The following PAH variants were observed in gnomAD, a reference collection of about 807,000 sequenced individuals.
PAH encodes phenylalanine-4-hydroxylase.
Under a neutral mutation model 62.0 loss-of-function variants are expected in PAH, and 64 were observed. The observed-to-expected ratio is 1.03, with a 90% CI of 0.84 to 1.27. The LOEUF (loss-of-function observed/expected upper bound fraction) is 1.27, where lower values mean the gene tolerates loss of function less well. Ranked by LOEUF, PAH falls within the 50% of genes most tolerant of loss-of-function variation. The pLI, the probability that PAH is intolerant of heterozygous loss-of-function variation, is 0.00. For synonymous variants in PAH, 195 were observed against 196.2 expected, an observed-to-expected ratio of 0.99 and a Z score of 0.05; for missense variants, 579 against 542.8, an observed-to-expected ratio of 1.07 and a Z score of -0.66.
At chr12:102,948,585 C>T (rs1022920630) in intron 1 of PAH, among the ~76,000 whole-genome samples, 1 of 152,114 alleles carries the variant, frequency 6.6e-6, no homozygotes, top group South Asian at 2.1e-4. Flanking sequence ...ACTTACTGAG[C>T]CTCTCCTCCC....
At chr12:102,908,724 C>A (rs1456834606) in intron 2 of PAH, among the ~76,000 whole-genome samples, 2 of 151,958 alleles carry the variant, frequency 1.3e-5, no homozygotes, top group Non-Finnish European at 1.5e-5. Flanking sequence ...TATTGATGCA[C>A]GTTATAAACG....
intron 1 of PAH, among the ~76,000 whole-genome samples, chr12:102,938,137 G>C (rs1419104729): frequency 1.3e-5 from 2 of 152,216 alleles, no homozygotes; most frequent in African/African-American, 4.8e-5. Context: ...GTGAACCACA[G>C]AGAGCAGAGA....
chr12:102,903,556 A>G (rs751191628), intron 2 of PAH, among the ~76,000 whole-genome samples: 24 of 152,170 alleles, frequency 1.6e-4, no homozygotes, highest in Non-Finnish European at 3.2e-4. Context: ...TGAATATCTG[A>G]TGAGGGGGAG....
At chr12:102,860,333 G>A (rs554566556) in intron 5 of PAH, among the ~76,000 whole-genome samples, 45 of 152,316 alleles carry the variant, frequency 3.0e-4, no homozygotes, top group Non-Finnish European at 5.0e-4. Flanking sequence ...AGAAATAAAA[G>A]AGAACACAGA....
chr12:102,871,922 CAAAAAAAAAAAAAA>C (rs1168829038), intron 4 of PAH, among the ~76,000 whole-genome samples: 18 of 115,478 alleles, frequency 1.6e-4, no homozygotes, highest in African/African-American at 5.6e-4. Flanking sequence ...AACTCTGCCT[CAAAAAAAAAAAAAA>C]AAAAAAAAAA....
At chr12:102,889,879 G>A (rs904115463) in intron 3 of PAH, among the ~76,000 whole-genome samples, 9 of 152,208 alleles carry the variant, frequency 5.9e-5, no homozygotes, top group African/African-American at 2.2e-4. Context: ...AAAAGGATTA[G>A]TAGATTGATC....
chr12:102,853,173 G>A (rs1875259241), intron 6 of PAH: 3 of 576,682 alleles, frequency 5.2e-6, no homozygotes, highest in East Asian at 6.2e-5. Context: ...TGCATAATGT[G>A]GATAGATACT....
At chr12:102,851,281 A>T (rs1023725910) in intron 8 of PAH, among the ~76,000 whole-genome samples, 4 of 152,084 alleles carry the variant, frequency 2.6e-5, no homozygotes, top group Non-Finnish European at 5.9e-5. Flanking sequence ...ATGTCACCTC[A>T]CTTAATTCAA....
chr12:102,883,684 G>A (rs937913257), intron 3 of PAH, among the ~76,000 whole-genome samples: 2 of 152,168 alleles, frequency 1.3e-5, no homozygotes, highest in Non-Finnish European at 2.9e-5. Flanking sequence ...GTAGCACTGC[G>A]AGGCTGCAGG....
chr12:102,902,509 C>T (rs951826735), intron 2 of PAH, among the ~76,000 whole-genome samples: 2 of 152,198 alleles, frequency 1.3e-5, no homozygotes, highest in African/African-American at 2.4e-5. Context: ...GGGTGAGATA[C>T]GGTAGTTGCA....
chr12:102,881,188 A>G (rs893170649), intron 3 of PAH, among the ~76,000 whole-genome samples: 1 of 151,008 alleles, frequency 6.6e-6, no homozygotes, highest in African/African-American at 2.4e-5. Flanking sequence ...TAATTTTTGT[A>G]CTTTTAGTAG....
At chr12:102,948,522 T>C (rs1474355965) in intron 1 of PAH, among the ~76,000 whole-genome samples, 1 of 152,202 alleles carries the variant, frequency 6.6e-6, no homozygotes, top group Non-Finnish European at 1.5e-5. Flanking sequence ...TTCTTCCCGC[T>C]GCAAGTTTCT....
chr12:102,865,682 T>C (rs967557261), intron 5 of PAH, among the ~76,000 whole-genome samples: 1 of 152,188 alleles, frequency 6.6e-6, no homozygotes, highest in Non-Finnish European at 1.5e-5. Context: ...TGGGCTTAGA[T>C]CTGACTAAAG....
At chr12:102,890,284 G>C (rs993329549) in intron 3 of PAH, among the ~76,000 whole-genome samples, 10 of 152,118 alleles carry the variant, frequency 6.6e-5, no homozygotes, top group African/African-American at 2.4e-4. Context: ...CAATAAAAAG[G>C]GCATTTTGTC....
chr12:102,839,268 A>C (rs766935459), intron 12 of PAH, 50 bp from the exon 13 acceptor site: 6 of 1,576,438 alleles, frequency 3.8e-6, no homozygotes, highest in Non-Finnish European at 5.2e-6. Flanking sequence ...ATAAGCAAAA[A>C]CTCTTCAAGT....
intron 2 of PAH, among the ~76,000 whole-genome samples, chr12:102,898,523 T>G (rs1877604190): frequency 6.6e-6 from 1 of 152,192 alleles, no homozygotes. Flanking sequence ...TTCACTGAAC[T>G]TGTAGTTGAA....
At chr12:102,914,912 C>T (rs891209756) in intron 1 of PAH, among the ~76,000 whole-genome samples, 6 of 152,320 alleles carry the variant, frequency 3.9e-5, no homozygotes, top group Non-Finnish European at 8.8e-5. Context: ...TTTCTTCCCA[C>T]TGCCATCACC....
chr12:102,845,318 T>C (rs1213408679), intron 9 of PAH, among the ~76,000 whole-genome samples: 4 of 152,176 alleles, frequency 2.6e-5, no homozygotes, highest in African/African-American at 9.7e-5. Context: ...TCCATCTCTT[T>C]TGTTTTTTTC....
At chr12:102,880,649 A>T (rs1876775365) in intron 3 of PAH, among the ~76,000 whole-genome samples, 2 of 152,196 alleles carry the variant, frequency 1.3e-5, no homozygotes. Flanking sequence ...AGATTCCACA[A>T]ATATGTACTG....
Sources: allele counts gnomAD v4.1 joint callset (sites outside exome capture counted in the v4.1 genomes callset), GRCh38; gene constraint gnomAD v4.1.1; transcripts MANE v1.5; gene names NCBI Gene and HGNC (gene_info 2026-07-23, HGNC 2026-07-21).